PHACTR2: variants seen among roughly 807,000 people sequenced by gnomAD.
The protein encoded by PHACTR2 is chromosome 6 open reading frame 56.
PHACTR2 carries 30 observed loss-of-function variants against 76.0 expected under a neutral mutation model. That is an observed-to-expected ratio of 0.39 (90% CI 0.30 to 0.54). PHACTR2 has a LOEUF of 0.54. Among genes scored for constraint, PHACTR2 ranks in the 20% least tolerant of loss-of-function variants. PHACTR2 has a pLI of 0.61. For synonymous variants in PHACTR2, 292 were observed against 292.5 expected, an observed-to-expected ratio of 1.00 and a Z score of 0.02; for missense variants, 696 against 781.1, an observed-to-expected ratio of 0.89 and a Z score of 1.30.
intron 4 of PHACTR2, among the ~76,000 whole-genome samples, chr6:143,758,479 G>A (rs1380531120): frequency 1.3e-5 from 2 of 152,120 alleles, no homozygotes; most frequent in African/African-American, 4.8e-5. Context: ...TATATTTTAA[G>A]TTAAAATTAA....
At position 143,550,415 on chromosome 6, in the gene PHACTR2, C is replaced by G. The variant is rs1375151868; in HGVS notation, c.217+13208C>G. Among the ~76,000 whole-genome samples the G allele has an allele frequency of 6.6e-6, 1 of 152,010 alleles. No homozygotes were observed. The highest frequency in any genetic ancestry group is 1.5e-5 in the Non-Finnish European group (1 of 67,960). On this transcript the variant is annotated intron_variant, in intron 1 of 11. Coordinates refer to the PHACTR2 transcript ENST00000367584. The surrounding 1 kb of genome is among the most constrained non-coding windows in gnomAD (Gnocchi z 4.8). ...TACCTCAACATCCCATCCATGGAAA[C>G]TTCCATGCTACTTAAAAGTCTACTC...
chr6:143,760,675 C>A lies in PHACTR2; in HGVS notation c.694+35C>A. The A allele has an allele frequency of 6.2e-7, 1 of 1,605,758 alleles. No homozygotes were observed. The highest frequency in any genetic ancestry group is 8.5e-7 in the Non-Finnish European group (1 of 1,175,620). On this transcript the variant is annotated intron_variant, in intron 5 of 12. Transcript: ENST00000440869. The surrounding 1 kb of genome is among the most constrained non-coding windows in gnomAD (Gnocchi z 6.4). ...CCCCCAGTGCCCTGTGGGGTCACTT[C>A]TAGGGTGCTTGGCTCTGGGATGGGG...
chr6:143,823,051 A>C lies in PHACTR2; in HGVS notation c.1923-623A>C, dbSNP rs1258295652. On this transcript the variant is annotated intron_variant, in intron 12 of 12. Transcript: ENST00000440869. The surrounding 1 kb of genome is among the most constrained non-coding windows in gnomAD (Gnocchi z 5.7). ...GGGAGAGAAATGAATTGCTAATCTG[A>C]GGTTTCTAGACCAAAAATATTTTTA... Among the ~76,000 whole-genome samples, 11 of 152,266 alleles carry C rather than the reference A, an allele frequency of 7.2e-5. No individual in the cohort carries two copies. The highest frequency in any genetic ancestry group is 1.6e-4 in the Non-Finnish European group (11 of 68,050).
chr6:143,827,152 G>GAA lies in PHACTR2; in HGVS notation c.*3466_*3467dup, dbSNP rs1273151738. 3.0e-3 allele frequency: 120 copies of GAA among 39,876 alleles called. 1 individual carries two copies. Among genetic ancestry groups the GAA allele is most frequent in the African/African-American group, 8.6e-3 (95 of 11,074 alleles). The allele number at this position is 39,876 out of a possible 1,614,324, so 2.5% of individuals were successfully genotyped here. ...TCAGGGCTGCGTTGGCATTAAAAAA[G>GAA]AAAATATATATATATATATATATAT... On this transcript the variant is annotated 3_prime_UTR_variant, in exon 13 of 13. Transcript: ENST00000440869.
Position 143,625,017 on chromosome 6 carries a change from G to A in PHACTR2, c.13+16695G>A, listed in dbSNP as rs1324916901. Among the ~76,000 whole-genome samples the A allele has an allele frequency of 1.3e-5, 2 of 152,014 alleles. No homozygotes were observed. Among genetic ancestry groups the A allele is most frequent in the Non-Finnish European group, 2.9e-5 (2 of 68,012 alleles). On this transcript the variant is annotated intron_variant, in intron 1 of 11. Coordinates refer to the PHACTR2 transcript ENST00000305766. The surrounding 1 kb of genome is among the most constrained non-coding windows in gnomAD (Gnocchi z 4.3). ...CTGAAAATAGAAAAATTAGCTGAGC[G>A]TGGTGGTGCATGCCTGTAATCCTAG...
Position 143,795,936 on chromosome 6 carries a change from G to A in PHACTR2, c.1845+7026G>A, listed in dbSNP as rs570284160. Among the ~76,000 whole-genome samples, 3 of 152,234 alleles carry A rather than the reference G, an allele frequency of 2.0e-5. No homozygotes were observed. The highest frequency in any genetic ancestry group is 2.1e-4 in the South Asian group (1 of 4,816). ...TTTCACCGTTGATTCCTGAGTTTAC[G>A]ATCTAGTCTAAAATTATCCAGTGAA... On this transcript the variant is annotated intron_variant, in intron 11 of 12. Coordinates refer to ENST00000440869, the MANE Select transcript of PHACTR2 (RefSeq NM_001100164.2). The surrounding 1 kb of genome is among the most constrained non-coding windows in gnomAD (Gnocchi z 4.8).
rs1326993209 is a variant in PHACTR2, at chr6:143,678,177, C to G, written c.14C>G (p.Ser5Trp). MGQTSVSTLSPQPGS... is the reference protein window; with the variant it reads MGQTWVSTLSPQPGS... ...GCGACCCCAGTCATGGGCCAGACCT[C>G]GGTGTCCACGCTGTCCCCGCAGCCC... The change falls in exon 1 of 13, where the codon TCG becomes TGG. Residue 5 changes from serine (S) to tryptophan (W), a missense_variant. Around this residue, in one of 2 missense-constraint regions of PHACTR2, gnomAD observed 460 missense variants for 450.9 expected, o/e 1.02. Transcript: ENST00000440869. The surrounding 1 kb of genome is among the most constrained non-coding windows in gnomAD (Gnocchi z 6.2). The G allele has an allele frequency of 8.4e-6, 13 of 1,541,158 alleles. No individual in the cohort carries two copies. The highest frequency in any genetic ancestry group is 8.7e-7 in the Non-Finnish European group (1 of 1,143,108).
rs1778123451 is a variant in PHACTR2 at position 143,709,544 on chromosome 6, T to C, written c.47-2472T>C. ...GACTCTAGATCTTGTTTGAAACCTT[T>C]GGTTTTAACTGGCTTTGTCTGACAC... On this transcript the variant is annotated intron_variant, in intron 1 of 12. Transcript: ENST00000440869. The surrounding 1 kb of genome is among the most constrained non-coding windows in gnomAD (Gnocchi z 4.4). Among the ~76,000 whole-genome samples the C allele has an allele frequency of 6.6e-6, 1 of 152,242 alleles. No individual in the cohort carries two copies. The highest frequency in any genetic ancestry group is 2.4e-5 in the African/African-American group (1 of 41,464).
At position 143,633,571 on chromosome 6, in the gene PHACTR2, A is replaced by G. The variant is rs1464298822; in HGVS notation, c.13+25249A>G. On this transcript the variant is annotated intron_variant, in intron 1 of 11. Transcript: ENST00000305766. This position sits in a 1 kb window ranked among gnomAD's most constrained non-coding sequence, Gnocchi z 4.1. ...TTTATCAGATATGTCTTCTGCAAGTAGTTTTTCCCAGTCTGTGGCTTGTCT... is the reference window on the plus strand; with the variant it reads ...TTTATCAGATATGTCTTCTGCAAGTGGTTTTTCCCAGTCTGTGGCTTGTCT... 6.6e-6 allele frequency among the ~76,000 whole-genome samples: 1 copy of G among 152,148 alleles called. No individual in the cohort carries two copies. Among genetic ancestry groups the G allele is most frequent in the Non-Finnish European group, 1.5e-5 (1 of 68,034 alleles).
intron 2 of PHACTR2, among the ~76,000 whole-genome samples, chr6:143,736,253 G>T (rs1778816897): frequency 6.6e-6 from 1 of 152,118 alleles, no homozygotes; most frequent in Non-Finnish European, 1.5e-5. Flanking sequence ...TATGATGCAG[G>T]TTACTATTAT....
chr6:143,638,669 G>A (rs1025080451), intron 1 of PHACTR2, among the ~76,000 whole-genome samples: 3 of 151,140 alleles, frequency 2.0e-5, no homozygotes, highest in Admixed American at 6.6e-5. Flanking sequence ...ATGTATATTT[G>A]CTTAAGAAAA....
In PHACTR2 at chr6:143,828,485, C is replaced by CT. The variant is rs1227404886; in HGVS notation, c.*4802dup. 1.3e-5 allele frequency: 2 copies of CT among 152,154 alleles called. No individual in the cohort carries two copies. The highest frequency in any genetic ancestry group is 1.5e-5 in the Non-Finnish European group (1 of 68,030). The allele number at this position is 152,154 out of a possible 1,614,324, so 9.4% of individuals were successfully genotyped here. A position where few individuals can be genotyped will look rare whatever the true frequency, so the allele number is the denominator to read the frequency against. On this transcript the variant is annotated 3_prime_UTR_variant, in exon 13 of 13. Transcript: ENST00000440869. This position sits in a 1 kb window ranked among gnomAD's most constrained non-coding sequence, Gnocchi z 4.7. ...GCAGCTGGAACCTTACCCACCAATG[C>CT]TTTTTTGAAGACAGTATCATCCCAA...
intron 1 of PHACTR2, among the ~76,000 whole-genome samples, chr6:143,655,162 AAAAAAAAAAAAAG>A (rs929419211): frequency 1.8e-4 from 28 of 151,452 alleles, no homozygotes; most frequent in African/African-American, 6.5e-4. Context: ...CGTCTCAAAA[AAAAAAAAAAAAAG>A]AAAAAGAAAA....
In PHACTR2 at chr6:143,617,463, C is replaced by T. The variant is rs948950629; in HGVS notation, c.13+9141C>T. Reference sequence around the variant, plus strand: ...GAATCCCCTGGAAATCTTTTAAATACCCATCTCTGTGCCCCACCCTAGACA... The same window carrying T: ...GAATCCCCTGGAAATCTTTTAAATATCCATCTCTGTGCCCCACCCTAGACA... On this transcript the variant is annotated intron_variant, in intron 1 of 11. Transcript: ENST00000305766. The surrounding 1 kb of genome is among the most constrained non-coding windows in gnomAD (Gnocchi z 4.8). 5.3e-5 allele frequency among the ~76,000 whole-genome samples: 8 copies of T among 152,210 alleles called. No homozygotes were observed. Among genetic ancestry groups the T allele is most frequent in the African/African-American group, 1.9e-4 (8 of 41,452 alleles).
chr6:143,635,900 C>A (rs1219939749), intron 1 of PHACTR2, among the ~76,000 whole-genome samples: 1 of 152,138 alleles, frequency 6.6e-6, no homozygotes, highest in Non-Finnish European at 1.5e-5. Context: ...AAGCTCTCCC[C>A]TTCCTAATTT....
At chr6:143,797,839 C>A (rs1562311522) in intron 11 of PHACTR2, among the ~76,000 whole-genome samples, 1 of 152,176 alleles carries the variant, frequency 6.6e-6, no homozygotes, top group Non-Finnish European at 1.5e-5. Context: ...CAAGATGCCT[C>A]CAGCTTTGTC....
chr6:143,780,301 T>C lies in PHACTR2; in HGVS notation c.1645+2918T>C, dbSNP rs1362842241. On this transcript the variant is annotated intron_variant, in intron 9 of 12. Coordinates refer to ENST00000440869, the MANE Select transcript of PHACTR2 (RefSeq NM_001100164.2). This position sits in a 1 kb window ranked among gnomAD's most constrained non-coding sequence, Gnocchi z 4.4. ...AATGCACTTTAAGTTTATGTGTGTC[T>C]TTTTCATTTGCTAAAAACACCCATA... Among the ~76,000 whole-genome samples, 1 of 152,166 alleles carries C rather than the reference T, an allele frequency of 6.6e-6. No homozygotes were observed. The highest frequency in any genetic ancestry group is 1.5e-5 in the Non-Finnish European group (1 of 68,036).
intron 1 of PHACTR2, among the ~76,000 whole-genome samples, chr6:143,703,525 C>T (rs1182583921): frequency 2.0e-5 from 3 of 152,172 alleles, no homozygotes; most frequent in Non-Finnish European, 4.4e-5. Flanking sequence ...GGGTTACGAG[C>T]AATCTTCCTC....
At chr6:143,567,679 G>T (rs1333500757) in intron 1 of PHACTR2, among the ~76,000 whole-genome samples, 1 of 152,222 alleles carries the variant, frequency 6.6e-6, no homozygotes, top group African/African-American at 2.4e-5. Flanking sequence ...GATTACAGGC[G>T]TGAGCCACCG....
Sources: gnomAD v4.1 joint callset for allele counts (sites outside exome capture counted in the v4.1 genomes callset) on GRCh38, gnomAD v4.1.1 for gene constraint, gnomAD v4.1.1 regional missense constraint, Gnocchi (gnomAD v3.1) non-coding constraint, MANE v1.5 for transcripts, NCBI Gene and HGNC (gene_info 2026-07-23, HGNC 2026-07-21) for gene names.